The following PAK1IP1 variants were observed in gnomAD, a reference collection of about 807,000 sequenced individuals.
The protein encoded by PAK1IP1 is PAK1 interacting protein 1, also known as p21-activated protein kinase-interacting protein 1.
In PAK1IP1, 24 loss-of-function variants were observed where a neutral mutation model predicts 42.0. That is an observed-to-expected ratio of 0.57 (90% CI 0.41 to 0.80). The LOEUF (loss-of-function observed/expected upper bound fraction) is 0.80. Among genes scored for constraint, PAK1IP1 ranks in the 30% least tolerant of loss-of-function variants. PAK1IP1 has a pLI of 0.00. For missense variants in PAK1IP1, 411 were observed against 467.9 expected (o/e 0.88, Z 1.12); for synonymous variants, 154 against 156.7 (o/e 0.98, Z 0.13).
intron 8 of PAK1IP1, among the ~76,000 whole-genome samples, chr6:10,707,729 G>A (rs1456051044): frequency 3.3e-5 from 5 of 152,140 alleles, no homozygotes; most frequent in South Asian, 2.1e-4. Context: ...CAGAACTCGC[G>A]CTGCTCTTTT....
At chr6:10,693,933 T>C (rs937321082), upstream of PAK1IP1, among the ~76,000 whole-genome samples, 6 of 152,254 alleles carry the variant, frequency 3.9e-5, no homozygotes, top group African/African-American at 1.4e-4. Flanking sequence ...CAAAATATGT[T>C]GCTCAGGCTC....
chr6:10,695,476 TA>T (rs1477383448), intron 1 of PAK1IP1, among the ~76,000 whole-genome samples: 1 of 152,158 alleles, frequency 6.6e-6, no homozygotes, highest in African/African-American at 2.4e-5. Flanking sequence ...CCCTTATAGG[TA>T]AAGCGATACC....
At chr6:10,696,210 T>TA (rs1769834690) in intron 1 of PAK1IP1, among the ~76,000 whole-genome samples, 1 of 152,196 alleles carries the variant, frequency 6.6e-6, no homozygotes, top group Non-Finnish European at 1.5e-5. Flanking sequence ...ATACTTCTAC[T>TA]AAATCTAAGC....
chr6:10,701,578 G>C (rs1344449345), intron 2 of PAK1IP1, among the ~76,000 whole-genome samples: 2 of 152,198 alleles, frequency 1.3e-5, no homozygotes, highest in African/African-American at 2.4e-5. Flanking sequence ...TAGGATAATA[G>C]GGAGAGGAAA....
At chr6:10,697,607 T>TTA (rs1769898853) in intron 2 of PAK1IP1, 121 bp downstream of exon 2, 11 of 777,324 alleles carry the variant, frequency 1.4e-5, no homozygotes, top group African/African-American at 1.3e-4. Flanking sequence ...AGAGGAATTT[T>TTA]AAAAAAAAAT....
At chr6:10,705,695 G>A (rs976970303) in intron 7 of PAK1IP1, among the ~76,000 whole-genome samples, 3 of 152,066 alleles carry the variant, frequency 2.0e-5, no homozygotes, top group Non-Finnish European at 2.9e-5. Context: ...AGCTGAACCC[G>A]GTTTTATCTG....
At chr6:10,708,041 CTT>C (rs34074813) in intron 8 of PAK1IP1, among the ~76,000 whole-genome samples, 7 of 92,320 alleles carry the variant, frequency 7.6e-5, no homozygotes, top group East Asian at 3.3e-4. Flanking sequence ...TTAGAATTTT[CTT>C]TTTTTTTTTT....
chr6:10,701,077 C>A (rs893352002), intron 2 of PAK1IP1, among the ~76,000 whole-genome samples: 2 of 151,778 alleles, frequency 1.3e-5, no homozygotes, highest in Non-Finnish European at 2.9e-5. Context: ...TTTTCTATTT[C>A]TTTCTTTCCT....
At chr6:10,694,934 C>G, upstream of PAK1IP1, 120 of 675,332 alleles carry the variant, frequency 1.8e-4, no homozygotes, top group Non-Finnish European at 2.4e-4. Flanking sequence ...GTTTCCGGTT[C>G]TGTCACCTCC....
At chr6:10,693,681 G>A (rs1243884402), upstream of PAK1IP1, among the ~76,000 whole-genome samples, 1 of 152,204 alleles carries the variant, frequency 6.6e-6, no homozygotes, top group Non-Finnish European at 1.5e-5. Flanking sequence ...GAGCTTGTAG[G>A]AAAGCTGTAA....
At chr6:10,694,588 T>A, upstream of PAK1IP1, 1 of 176,918 alleles carries the variant, frequency 5.7e-6, no homozygotes, top group Admixed American at 5.9e-5. Flanking sequence ...CTGCCGGCGC[T>A]ACAGCCCCTA....
chr6:10,704,609 C>G lies in PAK1IP1; in HGVS notation c.599C>G (p.Thr200Ser), dbSNP rs754597395. The stretch of plus-strand genomic sequence containing the variant: ...CTTGACACTGCATCCATTAGTGGCA[C>G]CATCACAAATGAAAAGAGAATTTCC... ...YQLDTASISGTITNEKRISSV... is the reference protein window; with the variant it reads ...YQLDTASISGSITNEKRISSV... Residue 200 changes from threonine (T) to serine (S), a missense_variant, in exon 6 of 10, where the codon ACC becomes AGC. Coordinates refer to ENST00000379568, the MANE Select transcript of PAK1IP1 (RefSeq NM_017906.3). 1 of 1,608,434 alleles carries G rather than the reference C, an allele frequency of 6.2e-7. No individual in the cohort carries two copies. Among genetic ancestry groups the G allele is most frequent in the East Asian group, 2.2e-5 (1 of 44,844 alleles).
intron 1 of PAK1IP1, among the ~76,000 whole-genome samples, chr6:10,695,895 C>A (rs193149212): frequency 1.3e-5 from 2 of 152,164 alleles, no homozygotes; most frequent in East Asian, 3.9e-4. Flanking sequence ...TTTCCTACTC[C>A]AGTTATTTGC....
chr6:10,693,915 G>A (rs573922182), upstream of PAK1IP1, among the ~76,000 whole-genome samples: 5 of 152,098 alleles, frequency 3.3e-5, no homozygotes, highest in Non-Finnish European at 7.3e-5. Flanking sequence ...TTTTTGTAGA[G>A]ACGGCATCAA....
chr6:10,696,494 T>A (rs1769857739), intron 1 of PAK1IP1, among the ~76,000 whole-genome samples: 1 of 152,176 alleles, frequency 6.6e-6, no homozygotes, highest in Non-Finnish European at 1.5e-5. Context: ...GTCTGTGTAT[T>A]TTGCTGTCAT....
intron 1 of PAK1IP1, among the ~76,000 whole-genome samples, chr6:10,696,999 G>A (rs1452531886): frequency 6.6e-6 from 1 of 152,182 alleles, no homozygotes; most frequent in African/African-American, 2.4e-5. Flanking sequence ...AAGAGTTAAA[G>A]ATTTGTGTAG....
At chr6:10,697,068 A>G (rs563461997) in intron 1 of PAK1IP1, among the ~76,000 whole-genome samples, 105 of 152,298 alleles carry the variant, frequency 6.9e-4, no homozygotes, top group Middle Eastern at 3.4e-3. Context: ...GATGATACCC[A>G]GTGTTGCCTG....
At chr6:10,694,628 C>CAAA, upstream of PAK1IP1, 1 of 196,030 alleles carries the variant, frequency 5.1e-6, no homozygotes, top group South Asian at 8.4e-5. Context: ...GCCCCACCTC[C>CAAA]TCCTGATGTC....
intron 7 of PAK1IP1, among the ~76,000 whole-genome samples, chr6:10,705,729 A>C (rs79900868): frequency 0.017 from 2,527 of 152,312 alleles, 30 homozygotes; most frequent in Non-Finnish European, 0.025. Context: ...TGCTTTCTCC[A>C]GTAATTTTGA....
Sources: gnomAD v4.1 joint callset for allele counts (sites outside exome capture counted in the v4.1 genomes callset) on GRCh38, gnomAD v4.1.1 for gene constraint, MANE v1.5 for transcripts, NCBI Gene and HGNC (gene_info 2026-07-23, HGNC 2026-07-21) for gene names.